SLMAP: variants seen among roughly 807,000 people sequenced by gnomAD.
SLMAP encodes sarcolemma associated protein.
In SLMAP, 44 loss-of-function variants were observed where a neutral mutation model predicts 128.8. The ratio of observed to expected loss-of-function variants is 0.34; its 90% CI spans 0.27 to 0.44. The LOEUF (loss-of-function observed/expected upper bound fraction) is 0.44, where lower values mean the gene tolerates loss of function less well. SLMAP is among the 20% of genes least tolerant of loss of function. The probability of loss-of-function intolerance (pLI) is 1.00; values close to 1 mark genes in which losing one functional copy is unlikely to be tolerated. For synonymous variants in SLMAP, 327 were observed against 348.8 expected (o/e 0.94, Z 0.70); for missense variants, 787 against 985.3 (o/e 0.80, Z 2.69).
chr3:57,915,825 CAT>C (rs2096798379), intron 21 of SLMAP, among the ~76,000 whole-genome samples: 1 of 152,146 alleles, frequency 6.6e-6, no homozygotes, highest in African/African-American at 2.4e-5. Flanking sequence ...CTGTTCTCCA[CAT>C]ATGTTGTAAG....
rs758074602 is a variant in SLMAP, at chr3:57,869,015, TTA to T, written c.1238-2617_1238-2616del. ...ATATGTGTATTATATATAATATATA[TTA>T]TATGTGTATTATATATATAATATAT... On this transcript the variant is annotated intron_variant, in intron 13 of 24. Coordinates refer to ENST00000671191, the MANE Select transcript of SLMAP (RefSeq NM_001377540.1). Among the ~76,000 whole-genome samples, 17 of 139,386 alleles carry T rather than the reference TTA, an allele frequency of 1.2e-4. No individual in the cohort carries two copies. In the East Asian group the frequency reaches 2.8e-3, roughly 23 times the overall value. The allele number at this position is 139,386 out of a possible 152,430, so 91.4% of individuals were successfully genotyped here.
intron 13 of SLMAP, among the ~76,000 whole-genome samples, chr3:57,869,662 T>TATAAA (rs2095435060): frequency 1.8e-5 from 2 of 113,374 alleles, no homozygotes; most frequent in Non-Finnish European, 3.8e-5. Context: ...ATATATATAA[T>TATAAA]ATATATAAAC....
chr3:57,765,936 T>C (rs1256354450), intron 2 of SLMAP, among the ~76,000 whole-genome samples: 3 of 152,060 alleles, frequency 2.0e-5, no homozygotes, highest in African/African-American at 7.2e-5. Context: ...CACTTAGTTC[T>C]TTGACATTAC....
At chr3:57,774,705 A>G (rs1260708500) in intron 2 of SLMAP, among the ~76,000 whole-genome samples, 1 of 151,658 alleles carries the variant, frequency 6.6e-6, no homozygotes, top group Non-Finnish European at 1.5e-5. Flanking sequence ...TTGCGTTTTT[A>G]GTAGAGACTG....
chr3:57,890,986 A>G (rs2096054986), intron 15 of SLMAP: 1 of 152,186 alleles, frequency 6.6e-6, no homozygotes, highest in African/African-American at 2.4e-5. Context: ...GGCAGATGCC[A>G]TATTTGGGGA....
At chr3:57,838,869 A>G (rs1189560026) in intron 3 of SLMAP, among the ~76,000 whole-genome samples, 6 of 152,234 alleles carry the variant, frequency 3.9e-5, no homozygotes, top group African/African-American at 1.4e-4. Context: ...GAGGTCAGAC[A>G]GGAATGAAGG....
chr3:57,897,063 AG>A, intron 17 of SLMAP, 131 bp downstream of exon 17: 1 of 1,434,650 alleles, frequency 7.0e-7, no homozygotes, highest in Non-Finnish European at 9.1e-7. Context: ...GTAAAGTAGC[AG>A]GGACTAAAAA....
chr3:57,913,356 A>G, intron 21 of SLMAP, 81 bp downstream of exon 21: 1 of 644,516 alleles, frequency 1.6e-6, no homozygotes, highest in Non-Finnish European at 2.6e-6. Flanking sequence ...TAATTTTAAT[A>G]CTTAAATATT....
intron 9 of SLMAP, 82 bp from the exon 10 acceptor site, chr3:57,861,867 T>C (rs2095082362): frequency 8.2e-7 from 1 of 1,226,974 alleles, no homozygotes; most frequent in South Asian, 1.3e-5. Flanking sequence ...AATTATACTT[T>C]TTATAAATTT....
chr3:57,821,163 A>G (rs1458729760), intron 2 of SLMAP, among the ~76,000 whole-genome samples: 3 of 152,090 alleles, frequency 2.0e-5, no homozygotes, highest in Admixed American at 6.5e-5. Flanking sequence ...CACTTTCCCT[A>G]TTTCTGTCTT....
At chr3:57,911,923 TAAAAAAAAAAA>T (rs57106769) in intron 19 of SLMAP, among the ~76,000 whole-genome samples, 1 of 52,370 alleles carries the variant, frequency 1.9e-5, no homozygotes, top group Non-Finnish European at 3.5e-5. Flanking sequence ...GGATTCACCC[TAAAAAAAAAAA>T]AAAAAAAAAA....
intron 18 of SLMAP, among the ~76,000 whole-genome samples, chr3:57,908,316 T>G (rs4681764): frequency 1.3e-5 from 2 of 152,068 alleles, no homozygotes; most frequent in African/African-American, 4.8e-5. Context: ...ATTTTTATTA[T>G]GCCTAATGTT....
At chr3:57,801,893 G>A (rs2153494650) in intron 2 of SLMAP, among the ~76,000 whole-genome samples, 1 of 151,764 alleles carries the variant, frequency 6.6e-6, no homozygotes, top group South Asian at 2.1e-4. Flanking sequence ...TGGTACTCTT[G>A]GAAGCACTGA....
chr3:57,791,577 A>G (rs957904616), intron 2 of SLMAP, among the ~76,000 whole-genome samples: 4 of 151,918 alleles, frequency 2.6e-5, no homozygotes, highest in Admixed American at 6.6e-5. Context: ...GAGAAGGGGG[A>G]AAAAAAAGTT....
chr3:57,870,118 T>C (rs1025374666), intron 13 of SLMAP, among the ~76,000 whole-genome samples: 3 of 152,130 alleles, frequency 2.0e-5, no homozygotes, highest in Non-Finnish European at 4.4e-5. Context: ...TTCTTTGATA[T>C]TAGTCTGAAA....
At chr3:57,818,619 G>A (rs1253128105) in intron 2 of SLMAP, among the ~76,000 whole-genome samples, 2 of 152,162 alleles carry the variant, frequency 1.3e-5, no homozygotes, top group Non-Finnish European at 2.9e-5. Context: ...GTACCCTTTT[G>A]TCACTGTAGA....
chr3:57,875,022 G>T (rs2095571288), intron 14 of SLMAP, among the ~76,000 whole-genome samples: 1 of 152,048 alleles, frequency 6.6e-6, no homozygotes, highest in South Asian at 2.1e-4. Context: ...AGTTTTGGGG[G>T]AAAATGGACC....
intron 2 of SLMAP, among the ~76,000 whole-genome samples, chr3:57,819,670 C>T (rs183952967): frequency 1.4e-4 from 22 of 152,198 alleles, no homozygotes; most frequent in African/African-American, 4.6e-4. Context: ...ACCTAGTGAC[C>T]TTGTTCTTTT....
Position 57,812,170 on chromosome 3 carries a change from C to T in SLMAP, c.199-19213C>T, listed in dbSNP as rs768821952. ...CAAATCCAATGTTGTGAAGCTTTTG[C>T]GCTATGTTTTCTTTTAAGAATTTTA... On this transcript the variant is annotated intron_variant, in intron 2 of 24. Coordinates refer to ENST00000671191, the MANE Select transcript of SLMAP (RefSeq NM_001377540.1). Among the ~76,000 whole-genome samples, 18 of 152,206 alleles carry T rather than the reference C, an allele frequency of 1.2e-4. No homozygotes were observed. In the East Asian group the frequency reaches 2.7e-3, roughly 23 times the overall value.
Sources: gnomAD v4.1 joint callset for allele counts (sites outside exome capture counted in the v4.1 genomes callset) on GRCh38, gnomAD v4.1.1 for gene constraint, MANE v1.5 for transcripts, NCBI Gene and HGNC (gene_info 2026-07-23, HGNC 2026-07-21) for gene names.